The following CACNA1C variants were observed in gnomAD, a reference collection of about 807,000 sequenced individuals.
The protein encoded by CACNA1C is calcium voltage-gated channel subunit alpha1 C, also known as voltage-dependent L-type calcium channel subunit alpha-1C.
CACNA1C carries 30 observed loss-of-function variants against 229.0 expected under a neutral mutation model. The observed-to-expected ratio is 0.13, with a 90% CI of 0.10 to 0.18. CACNA1C has a LOEUF of 0.18. CACNA1C is among the 10% of genes least tolerant of loss of function. The pLI is 1.00. For missense variants in CACNA1C, 1,658 were observed against 2,845.0 expected, an observed-to-expected ratio of 0.58 and a Z score of 9.49; for synonymous variants, 1,114 against 1,132.5, an observed-to-expected ratio of 0.98 and a Z score of 0.33.
At chr12:2,136,301 C>T (rs537491921) in intron 3 of CACNA1C, among the ~76,000 whole-genome samples, 6 of 151,424 alleles carry the variant, frequency 4.0e-5, no homozygotes, top group Non-Finnish European at 4.4e-5. Context: ...TGTTCCTATT[C>T]GGCCATCTTG....
intron 3 of CACNA1C, among the ~76,000 whole-genome samples, chr12:2,121,789 CT>C (rs1163214763): frequency 6.6e-6 from 1 of 152,244 alleles, no homozygotes; most frequent in East Asian, 1.9e-4. Context: ...GTGTAGCCAC[CT>C]CCTTCCTCTG....
chr12:2,136,666 G>A (rs1028208594), intron 3 of CACNA1C, among the ~76,000 whole-genome samples: 5 of 151,078 alleles, frequency 3.3e-5, no homozygotes, highest in African/African-American at 4.8e-5. Flanking sequence ...GGGTCCTGGG[G>A]GCATGCCATG....
chr12:2,204,556 A>G lies in CACNA1C; in HGVS notation c.477+84126A>G, dbSNP rs556363323. Among the ~76,000 whole-genome samples, 4 of 151,512 alleles carry G rather than the reference A, an allele frequency of 2.6e-5. No homozygotes were observed. The East Asian group carries it at 7.8e-4, about 29-fold the overall frequency. On this transcript the variant is annotated intron_variant, in intron 3 of 46. Transcript: ENST00000399655. ...TTGGAACCAACCCAAATGTCCAACA[A>G]TGATAGACTGGATTAAGAAAATGTG...
At chr12:2,173,370 G>A (rs2096552985) in intron 3 of CACNA1C, among the ~76,000 whole-genome samples, 2 of 152,258 alleles carry the variant, frequency 1.3e-5, no homozygotes, top group South Asian at 4.1e-4. Context: ...TGGCTATCAT[G>A]TGCTTTTCTT....
intron 3 of CACNA1C, among the ~76,000 whole-genome samples, chr12:2,316,606 G>A (rs571433257): frequency 2.6e-5 from 4 of 152,334 alleles, no homozygotes; most frequent in African/African-American, 7.2e-5. Context: ...TCATGAATAG[G>A]TGGAATAGCA....
chr12:2,424,715 CCATTGTGAAGTGGCAA>C (rs1252408499), intron 3 of CACNA1C, among the ~76,000 whole-genome samples: 3 of 152,188 alleles, frequency 2.0e-5, no homozygotes, highest in Non-Finnish European at 4.4e-5. Flanking sequence ...TCTCCCAATT[CCATTGTGAAGTGGCAA>C]AGTCTGTTCC....
intron 1 of CACNA1C, among the ~76,000 whole-genome samples, chr12:2,026,698 G>A (rs1430853743): frequency 6.6e-6 from 1 of 152,038 alleles, no homozygotes; most frequent in Non-Finnish European, 1.5e-5. Context: ...TGAACATTTG[G>A]GTTTTGACAC....
chr12:2,246,056 T>G (rs1196630877), intron 3 of CACNA1C, among the ~76,000 whole-genome samples: 1 of 152,130 alleles, frequency 6.6e-6, no homozygotes, highest in African/African-American at 2.4e-5. Context: ...GGGATGGACA[T>G]AGAACCAGGC....
At chr12:2,046,129 T>C (rs1428495995) in intron 1 of CACNA1C, among the ~76,000 whole-genome samples, 1 of 152,066 alleles carries the variant, frequency 6.6e-6, no homozygotes, top group Non-Finnish European at 1.5e-5. Flanking sequence ...CTCAAAACTG[T>C]GAGAGAATAA....
chr12:2,019,751 TAAG>T (rs1451326267), intron 1 of CACNA1C, among the ~76,000 whole-genome samples: 7 of 152,222 alleles, frequency 4.6e-5, no homozygotes, highest in Non-Finnish European at 8.8e-5. Context: ...CATAATATGT[TAAG>T]TATTTTTAAA....
At chr12:2,576,882 C>T (rs2058605427) in intron 13 of CACNA1C, among the ~76,000 whole-genome samples, 1 of 152,206 alleles carries the variant, frequency 6.6e-6, no homozygotes. Flanking sequence ...GAATTCAGCC[C>T]ATCTCCTCTG....
intron 1 of CACNA1C, among the ~76,000 whole-genome samples, chr12:2,107,083 G>T (rs1327229598): frequency 8.6e-6 from 1 of 115,672 alleles, no homozygotes; most frequent in Admixed American, 8.4e-5. Flanking sequence ...CCCAGGGAGG[G>T]TTTCCACTTC....
intron 3 of CACNA1C, among the ~76,000 whole-genome samples, chr12:2,314,249 A>G (rs1463083310): frequency 2.6e-5 from 4 of 152,182 alleles, no homozygotes; most frequent in Admixed American, 6.5e-5. Flanking sequence ...GCCCAGGGAC[A>G]TGTTCCAGCG....
chr12:2,270,448 G>C (rs2084380664), intron 3 of CACNA1C, among the ~76,000 whole-genome samples: 1 of 152,194 alleles, frequency 6.6e-6, no homozygotes, highest in South Asian at 2.1e-4. Context: ...CGTACTCAGT[G>C]ACCCCTCATG....
chr12:2,368,228 G>A (rs1002757004), intron 3 of CACNA1C, among the ~76,000 whole-genome samples: 1 of 152,188 alleles, frequency 6.6e-6, no homozygotes, highest in Non-Finnish European at 1.5e-5. Flanking sequence ...TGTCCTGGAA[G>A]CATTTCCTTT....
At chr12:2,223,878 G>A (rs2062136827) in intron 3 of CACNA1C, among the ~76,000 whole-genome samples, 1 of 152,156 alleles carries the variant, frequency 6.6e-6, no homozygotes, top group African/African-American at 2.4e-5. Context: ...AATAATTATT[G>A]AGTAAATGAT....
At chr12:2,245,824 C>T (rs2072925148) in intron 3 of CACNA1C, among the ~76,000 whole-genome samples, 1 of 152,190 alleles carries the variant, frequency 6.6e-6, no homozygotes, top group African/African-American at 2.4e-5. Flanking sequence ...AATACGTTGG[C>T]TTCTGGGGCC....
chr12:2,583,815 C>A (rs2061456001), intron 15 of CACNA1C, among the ~76,000 whole-genome samples: 1 of 152,228 alleles, frequency 6.6e-6, no homozygotes, highest in Admixed American at 6.5e-5. Flanking sequence ...CCCTCTTCCC[C>A]AGCCTGGGTT....
At chr12:2,109,483 C>T (rs1400623942) in intron 1 of CACNA1C, among the ~76,000 whole-genome samples, 1 of 152,190 alleles carries the variant, frequency 6.6e-6, no homozygotes, top group Non-Finnish European at 1.5e-5. Flanking sequence ...ATGTCTGAGG[C>T]ATGAAATGAG....
Sources: allele counts gnomAD v4.1 joint callset (sites outside exome capture counted in the v4.1 genomes callset), GRCh38; gene constraint gnomAD v4.1.1; transcripts MANE v1.5; gene names NCBI Gene and HGNC (gene_info 2026-07-23, HGNC 2026-07-21).